CEP68: variants seen among roughly 807,000 people sequenced by gnomAD.
CEP68 encodes the protein centrosomal protein of 68 kDa.
A neutral mutation model predicts 55.3 loss-of-function variants in CEP68; 26 were observed. The ratio of observed to expected loss-of-function variants is 0.47; its 90% CI spans 0.34 to 0.65. The LOEUF is 0.65. CEP68 is among the 30% of genes least tolerant of loss of function. The pLI is 0.01. For missense variants in CEP68, 957 were observed against 946.7 expected (o/e 1.01, Z -0.14); for synonymous variants, 402 against 383.2 (o/e 1.05, Z -0.57).
chr2:65,057,422 C>A (rs1229685418), intron 1 of CEP68, among the ~76,000 whole-genome samples: 1 of 152,188 alleles, frequency 6.6e-6, no homozygotes, highest in African/African-American at 2.4e-5. Context: ...CCCTTTCCCA[C>A]CCTCTGTTGA....
intron 1 of CEP68, among the ~76,000 whole-genome samples, chr2:65,057,262 GGTAGCGTTT>G (rs1321918308): frequency 6.6e-6 from 1 of 152,248 alleles, no homozygotes; most frequent in Non-Finnish European, 1.5e-5. Flanking sequence ...CACGAAGGGA[GGTAGCGTTT>G]GTAAATAATC....
chr2:65,058,522 T>TC (rs1181173835), intron 1 of CEP68, among the ~76,000 whole-genome samples: 2 of 114,612 alleles, frequency 1.7e-5, no homozygotes, highest in Admixed American at 9.1e-5. Flanking sequence ...TTTTTTTTTT[T>TC]TGAGAGGGAG....
intron 1 of CEP68, among the ~76,000 whole-genome samples, 188 bp downstream of exon 1, chr2:65,056,716 G>A (rs1001950449): frequency 5.3e-5 from 8 of 152,096 alleles, no homozygotes; most frequent in Admixed American, 1.3e-4. Context: ...CTCCCTGGGG[G>A]GCGGGGGCGC....
intron 5 of CEP68, 36 bp from the exon 6 acceptor site, chr2:65,082,500 T>C (rs1668876588): frequency 6.7e-7 from 1 of 1,488,426 alleles, no homozygotes; most frequent in African/African-American, 1.4e-5. Flanking sequence ...GCATGGGTTT[T>C]ATTTCTGGTT....
rs749128933 is a variant in CEP68 at position 65,069,700 on chromosome 2, G to A, written c.256G>A (p.Ala86Thr). The stretch of plus-strand genomic sequence containing the variant: ...AGCCCACCAGCCACAGGCCAGTGAT[G>A]CCAACAGAGAGCCCGTAGCTGAGAG... The part of the protein sequence containing the change: ...SRAHQPQASD[A>T]NREPVAERSE... The change falls in exon 2 of 7, where the codon GCC becomes ACC. Residue 86 changes from alanine (A) to threonine (T), a missense_variant. Coordinates refer to ENST00000377990, the MANE Select transcript of CEP68 (RefSeq NM_015147.3). 1.2e-6 allele frequency: 2 copies of A among 1,614,130 alleles called. No homozygotes were observed. Among genetic ancestry groups the A allele is most frequent in the South Asian group, 2.2e-5 (2 of 91,092 alleles).
At position 65,074,195 on chromosome 2, in the gene CEP68, C is replaced by T. The variant is rs549432204; in HGVS notation, c.1885-87C>T. On this transcript the variant is annotated intron_variant, in intron 3 of 6. Coordinates refer to ENST00000377990, the MANE Select transcript of CEP68 (RefSeq NM_015147.3). Reference sequence around the variant, plus strand: ...AAACTGAAGGTGCACAGTCTGTCTCCAAGTCCTCCTGATATTTTTAGCCTT... The same window carrying T: ...AAACTGAAGGTGCACAGTCTGTCTCTAAGTCCTCCTGATATTTTTAGCCTT... 169 of 1,519,426 alleles carry T rather than the reference C, an allele frequency of 1.1e-4. 2 individuals carry two copies. The African/African-American group carries it at 1.9e-3, about 17-fold the overall frequency. 94.1% of individuals were successfully genotyped at this position (1,519,426 alleles called of 1,614,324 possible). A position where few individuals can be genotyped will look rare whatever the true frequency, so the allele number is the denominator to read the frequency against.
At chr2:65,081,560 T>C (rs912399801) in intron 5 of CEP68, among the ~76,000 whole-genome samples, 4 of 152,128 alleles carry the variant, frequency 2.6e-5, no homozygotes. Context: ...TTAACAAAAA[T>C]AAATTTTTGA....
chr2:65,073,142 G>A (rs1178952672), intron 3 of CEP68, 162 bp downstream of exon 3: 3 of 818,598 alleles, frequency 3.7e-6, no homozygotes, highest in Admixed American at 4.0e-5. Context: ...CTTTTACCAG[G>A]TAAGCACTGT....
intron 1 of CEP68, among the ~76,000 whole-genome samples, chr2:65,066,225 A>G (rs560075315): frequency 7.2e-4 from 110 of 152,328 alleles, no homozygotes; most frequent in African/African-American, 2.6e-3. Flanking sequence ...CCAGGCAGAC[A>G]TGGGGAGAAT....
intron 3 of CEP68, chr2:65,073,643 T>G (rs1676612775): frequency 6.2e-6 from 1 of 161,368 alleles, no homozygotes; most frequent in Admixed American, 5.9e-5. Flanking sequence ...GAGCCCTGCC[T>G]TCTTAGGATG....
chr2:65,080,689 G>T (rs2103800289), intron 5 of CEP68: 1 of 314,560 alleles, frequency 3.2e-6, no homozygotes, highest in South Asian at 1.2e-4. Flanking sequence ...ATGGTGGCGG[G>T]CGCCTGTAAT....
chr2:65,063,995 A>AT (rs546174826), intron 1 of CEP68, among the ~76,000 whole-genome samples: 478 of 152,366 alleles, frequency 3.1e-3, no homozygotes, highest in Admixed American at 7.1e-3. Context: ...GGGGAAAAGC[A>AT]TGATTTGTCA....
Position 65,072,157 on chromosome 2 carries a change from C to T in CEP68, c.1061C>T (p.Ser354Phe), listed in dbSNP as rs780127674. The change falls in exon 3 of 7, where the codon TCC becomes TTC. Residue 354 changes from serine to phenylalanine, a missense_variant. Coordinates refer to ENST00000377990, the MANE Select transcript of CEP68 (RefSeq NM_015147.3). ...ACCCTCAAATCACCTACTAATGTCT[C>T]CCCCAACTGCCCACCAGCAGAGGCC... ...ASTLKSPTNV[S>F]PNCPPAEATA... is the part of the protein sequence containing the mutation. 21 of 1,613,932 alleles carry T rather than the reference C, an allele frequency of 1.3e-5. No individual in the cohort carries two copies. The highest frequency in any genetic ancestry group is 9.4e-5 in the African/African-American group (7 of 74,864).
intron 1 of CEP68, among the ~76,000 whole-genome samples, chr2:65,062,457 C>T (rs888249373): frequency 6.8e-5 from 10 of 146,100 alleles, no homozygotes; most frequent in Admixed American, 2.1e-4. Context: ...TGCTTGAACC[C>T]GGGAGGCAGA....
chr2:65,075,089 C>G (rs1046348746), intron 4 of CEP68: 2 of 152,956 alleles, frequency 1.3e-5, no homozygotes, highest in African/African-American at 4.8e-5. Flanking sequence ...GTACTGACTC[C>G]AGAATCTACA....
At chr2:65,058,662 G>A (rs747083373) in intron 1 of CEP68, among the ~76,000 whole-genome samples, 7 of 151,434 alleles carry the variant, frequency 4.6e-5, no homozygotes, top group African/African-American at 1.2e-4. Context: ...ACCCACCACC[G>A]TGTTCCGCTA....
intron 1 of CEP68, among the ~76,000 whole-genome samples, chr2:65,057,217 G>A (rs1194421116): frequency 6.6e-6 from 1 of 152,232 alleles, no homozygotes; most frequent in Non-Finnish European, 1.5e-5. Context: ...AAGCCTGCCA[G>A]GGCAGATTGG....
chr2:65,063,419 C>T (rs1457253317), intron 1 of CEP68, among the ~76,000 whole-genome samples: 1 of 152,194 alleles, frequency 6.6e-6, no homozygotes, highest in Admixed American at 6.5e-5. Flanking sequence ...GGCCTGTGCC[C>T]CATCATGGAG....
At chr2:65,067,981 CGT>C (rs1676276299) in intron 1 of CEP68, among the ~76,000 whole-genome samples, 3 of 152,150 alleles carry the variant, frequency 2.0e-5, no homozygotes, top group Non-Finnish European at 2.9e-5. Flanking sequence ...TATTTCCCAG[CGT>C]GTGAGCTGAG....
Sources: allele counts gnomAD v4.1 joint callset (sites outside exome capture counted in the v4.1 genomes callset), GRCh38; gene constraint gnomAD v4.1.1; transcripts MANE v1.5; gene names NCBI Gene and HGNC (gene_info 2026-07-23, HGNC 2026-07-21).